Variants in PLAA observed in about 807,000 individuals in gnomAD.
PLAA encodes the protein phospholipase A2 activating protein, also known as phospholipase A-2-activating protein.
PLAA carries 48 observed loss-of-function variants against 84.1 expected under a neutral mutation model. That is an observed-to-expected ratio of 0.57 (90% confidence interval 0.45 to 0.73). The LOEUF is 0.73. Ranked by LOEUF, PLAA falls within the 30% of genes least tolerant of loss-of-function variation. PLAA has a pLI of 0.00. For missense variants in PLAA, 903 were observed against 954.7 expected (o/e 0.95, Z 0.71); for synonymous variants, 392 against 336.6 (o/e 1.16, Z -1.80).
chr9:26,942,657 C>T (rs1226467215), intron 1 of PLAA, among the ~76,000 whole-genome samples: 7 of 152,144 alleles, frequency 4.6e-5, no homozygotes, highest in South Asian at 2.1e-4. Flanking sequence ...CCAAGGCGGG[C>T]GGATCACGAG....
chr9:26,938,588 G>A (rs1825432461), intron 1 of PLAA, among the ~76,000 whole-genome samples: 2 of 149,610 alleles, frequency 1.3e-5, no homozygotes, highest in African/African-American at 2.5e-5. Context: ...TGGTGAGGGA[G>A]TTTGCTGCCA....
chr9:26,906,070 A>G lies in PLAA; in HGVS notation c.1829T>C (p.Val610Ala). ...CCGAAGAATGTCAAGTGCAGGAAAG[A>G]CAATATCTATTAAAAAAAAAAAGTC... ...WKAINCPEDI[V>A]FPALDILRLS... The change falls in exon 14 of 14, where the codon GTC becomes GCC. Residue 610 changes from valine (V) to alanine (A), a missense_variant. By Grantham distance (64) the Val-to-Ala change is moderately conservative. Coordinates refer to ENST00000397292, the MANE Select transcript of PLAA (RefSeq NM_001031689.3). The G allele has an allele frequency of 6.7e-7, 1 of 1,497,642 alleles. No homozygotes were observed. The highest frequency in any genetic ancestry group is 2.3e-5 in the East Asian group (1 of 43,188). The allele number at this position is 1,497,642 out of a possible 1,614,324, so 92.8% of individuals were successfully genotyped here. A position where few individuals can be genotyped will look rare whatever the true frequency, so the allele number is the denominator to read the frequency against.
In PLAA at chr9:26,906,095, C is replaced by A; in HGVS notation, c.1823-19G>T. 1 of 1,365,910 alleles carries A rather than the reference C, an allele frequency of 7.3e-7. No homozygotes were observed. Among genetic ancestry groups the A allele is most frequent in the South Asian group, 1.9e-5 (1 of 53,948 alleles). The allele number at this position is 1,365,910 out of a possible 1,614,324, so 84.6% of individuals were successfully genotyped here. ...ACAATATCTATTAAAAAAAAAAAGT[C>A]ATTAATGCTTATGAAAATAAAGAAA... On this transcript the variant is annotated intron_variant, in intron 13 of 13. Coordinates refer to ENST00000397292, the MANE Select transcript of PLAA (RefSeq NM_001031689.3).
At chr9:26,946,844 A>G in intron 1 of PLAA, 53 bp downstream of exon 1, 2 of 1,512,814 alleles carry the variant, frequency 1.3e-6, no homozygotes, top group Non-Finnish European at 1.8e-6. Flanking sequence ...CTCTCCTTCC[A>G]CTCTCCGGGA....
In PLAA at chr9:26,947,176, C is replaced by G; in HGVS notation, c.-131G>C. The G allele has an allele frequency of 8.9e-7, 1 of 1,119,026 alleles. No individual in the cohort carries two copies. The highest frequency in any genetic ancestry group is 1.2e-6 in the Non-Finnish European group (1 of 832,814). 69.3% of individuals were successfully genotyped at this position (1,119,026 alleles called of 1,614,324 possible). ...GGGGCGGCCGGAGACCGGAAGAGCC[C>G]GAGAGCCGGTACGGAAGGGCGGCTG... On this transcript the variant is annotated 5_prime_UTR_variant, in exon 1 of 14. Transcript: ENST00000397292.
intron 6 of PLAA, among the ~76,000 whole-genome samples, chr9:26,924,994 C>A (rs1157413859): frequency 6.6e-6 from 1 of 152,214 alleles, no homozygotes; most frequent in African/African-American, 2.4e-5. Flanking sequence ...AACCAATTCT[C>A]CCACTTCTCC....
In PLAA at chr9:26,905,215, GTCT is replaced by G; in HGVS notation, c.*293_*295del. The G allele has an allele frequency of 3.1e-6, 1 of 323,276 alleles. No homozygotes were observed. Among genetic ancestry groups the G allele is most frequent in the South Asian group, 4.8e-5 (1 of 20,842 alleles). The allele number at this position is 323,276 out of a possible 1,614,324, so 20.0% of individuals were successfully genotyped here. A position where few individuals can be genotyped will look rare whatever the true frequency, so the allele number is the denominator to read the frequency against. ...GCAAGTTATATGAGTAACAGCCCTT[GTCT>G]TCTTAGTGGCTAAGGTAAGGGGAAG... On this transcript the variant is annotated 3_prime_UTR_variant, in exon 14 of 14. Coordinates refer to ENST00000397292, the MANE Select transcript of PLAA (RefSeq NM_001031689.3).
At position 26,920,344 on chromosome 9, in the gene PLAA, C is replaced by T; in HGVS notation, c.1080G>A (p.Glu360=). The T allele has an allele frequency of 6.2e-7, 1 of 1,613,418 alleles. No individual in the cohort carries two copies. The highest frequency in any genetic ancestry group is 8.5e-7 in the Non-Finnish European group (1 of 1,179,458). ...CACTCCACTGATAGGCTTCGACTTTCTCCCCATCTCTGATTAGACGAGTCT... is the reference window on the plus strand; with the variant it reads ...CACTCCACTGATAGGCTTCGACTTTTTCCCCATCTCTGATTAGACGAGTCT... The part of the protein sequence containing the change: ...EGQTRLIRDG[E]KVEAYQWSVS... The change falls in exon 8 of 14, where the codon GAG becomes GAA. Residue 360 remains glutamate (E), a synonymous_variant. Transcript: ENST00000397292.
At chr9:26,945,630 C>A (rs957141946) in intron 1 of PLAA, among the ~76,000 whole-genome samples, 1 of 152,204 alleles carries the variant, frequency 6.6e-6, no homozygotes, top group Non-Finnish European at 1.5e-5. Flanking sequence ...GCAGAAACTT[C>A]TCAACACGGA....
chr9:26,936,513 G>T (rs994918562), intron 1 of PLAA, among the ~76,000 whole-genome samples: 2 of 152,198 alleles, frequency 1.3e-5, no homozygotes, highest in African/African-American at 2.4e-5. Context: ...TTGAAAGCTT[G>T]CAACTTCTAG....
At chr9:26,916,241 T>C (rs901942144) in intron 10 of PLAA, 1 of 985,252 alleles carries the variant, frequency 1.0e-6, no homozygotes, top group Admixed American at 6.1e-5. Flanking sequence ...AGTACCAGTC[T>C]GCAAGGCCAG....
At chr9:26,930,621 T>G (rs1825151968) in intron 2 of PLAA, among the ~76,000 whole-genome samples, 1 of 150,534 alleles carries the variant, frequency 6.6e-6, no homozygotes, top group Admixed American at 6.6e-5. Flanking sequence ...TTGCTCTTGT[T>G]GCCCAGGCTG....
intron 9 of PLAA, chr9:26,919,101 T>C (rs1196332504): frequency 2.4e-6 from 1 of 413,750 alleles, no homozygotes; most frequent in African/African-American, 2.0e-5. Context: ...AGTATGATTG[T>C]ATTTTTGAAA....
intron 1 of PLAA, among the ~76,000 whole-genome samples, chr9:26,936,595 C>A (rs1482830423): frequency 6.6e-6 from 1 of 152,232 alleles, no homozygotes; most frequent in Non-Finnish European, 1.5e-5. Context: ...CAGTTACCCA[C>A]ACCTCACCCT....
intron 10 of PLAA, chr9:26,916,022 C>T (rs1420659568): frequency 1.0e-6 from 1 of 985,408 alleles, no homozygotes; most frequent in Non-Finnish European, 1.2e-6. Context: ...TGTGCCATAA[C>T]AGCATTTAGT....
At chr9:26,944,463 C>T (rs1238392077) in intron 1 of PLAA, among the ~76,000 whole-genome samples, 3 of 152,142 alleles carry the variant, frequency 2.0e-5, no homozygotes, top group Non-Finnish European at 2.9e-5. Context: ...AGCTTAATCA[C>T]CTAATGACTA....
intron 2 of PLAA, among the ~76,000 whole-genome samples, chr9:26,930,144 G>A (rs1182772485): frequency 3.4e-5 from 5 of 146,250 alleles, no homozygotes; most frequent in East Asian, 2.0e-4. Context: ...TCGCTCTGTC[G>A]CCCAGGCTGG....
intron 11 of PLAA, among the ~76,000 whole-genome samples, chr9:26,913,034 G>C (rs926369463): frequency 6.6e-6 from 1 of 152,050 alleles, no homozygotes; most frequent in African/African-American, 2.4e-5. Context: ...CCCAGCCCAG[G>C]CAACAAAACA....
intron 9 of PLAA, among the ~76,000 whole-genome samples, chr9:26,918,055 T>G (rs1196615727): frequency 6.6e-6 from 1 of 152,188 alleles, no homozygotes; most frequent in East Asian, 1.9e-4. Flanking sequence ...AGTGCAAGTA[T>G]TTGGAGGATC....
Sources: gnomAD v4.1 joint callset for allele counts (sites outside exome capture counted in the v4.1 genomes callset) on GRCh38, gnomAD v4.1.1 for gene constraint, MANE v1.5 for transcripts, NCBI Gene and HGNC (gene_info 2026-07-23, HGNC 2026-07-21) for gene names.